The following SLC24A2 variants were observed in gnomAD, a reference collection of about 807,000 sequenced individuals.
The protein encoded by SLC24A2 is sodium/potassium/calcium exchanger 2.
Under a neutral mutation model 62.0 loss-of-function variants are expected in SLC24A2, and 36 were observed. The ratio of observed to expected loss-of-function variants is 0.58; its 90% CI spans 0.44 to 0.77. The LOEUF is 0.77. Among genes scored for constraint, SLC24A2 ranks in the 30% least tolerant of loss-of-function variants. SLC24A2 has a pLI of 0.00. For synonymous variants in SLC24A2, 358 were observed against 294.0 expected (o/e 1.22, Z -2.23); for missense variants, 846 against 817.9 (o/e 1.03, Z -0.42).
chr9:19,842,556 A>G, the SLC24A2 span, among the ~76,000 whole-genome samples: 7 of 152,226 alleles, frequency 4.6e-5, no homozygotes, highest in Non-Finnish European at 1.0e-4. Flanking sequence ...AATTCCAAGT[A>G]ATATCTCACT....
the SLC24A2 span, among the ~76,000 whole-genome samples, chr9:20,015,513 T>C: frequency 6.6e-6 from 1 of 152,228 alleles, no homozygotes; most frequent in Non-Finnish European, 1.5e-5. Flanking sequence ...TGTCTGCTGC[T>C]TCACTTCCGC....
the SLC24A2 span, among the ~76,000 whole-genome samples, chr9:20,119,383 C>A: frequency 6.6e-6 from 1 of 151,882 alleles, no homozygotes; most frequent in Non-Finnish European, 1.5e-5. Context: ...AATATATTCT[C>A]AACAAAATTT....
intron 7 of SLC24A2, among the ~76,000 whole-genome samples, chr9:19,565,092 A>G (rs1302902922): frequency 3.3e-5 from 5 of 152,158 alleles, no homozygotes; most frequent in African/African-American, 1.2e-4. Context: ...TATTCAACAC[A>G]GTGTTGGAAG....
the SLC24A2 span, among the ~76,000 whole-genome samples, chr9:20,116,135 A>C: frequency 6.6e-6 from 1 of 152,282 alleles, no homozygotes; most frequent in African/African-American, 2.4e-5. Context: ...CATTTGAAAG[A>C]AACTTAATAA....
intron 5 of SLC24A2, among the ~76,000 whole-genome samples, chr9:19,580,477 G>C (rs908433485): frequency 1.3e-5 from 2 of 152,208 alleles, no homozygotes; most frequent in African/African-American, 4.8e-5. Context: ...GTGAGGATGA[G>C]GCTAACAGGA....
chr9:19,529,908 C>A (rs528266108), intron 8 of SLC24A2, among the ~76,000 whole-genome samples: 1 of 151,666 alleles, frequency 6.6e-6, no homozygotes, highest in Non-Finnish European at 1.5e-5. Flanking sequence ...TGCCACCACA[C>A]CCCACTAATT....
chr9:20,299,364 G>A, the SLC24A2 span, among the ~76,000 whole-genome samples: 1 of 152,198 alleles, frequency 6.6e-6, no homozygotes. Flanking sequence ...AATACACTAA[G>A]GGTGGTCCCA....
At chr9:20,160,420 C>T in the SLC24A2 span, among the ~76,000 whole-genome samples, 5 of 151,116 alleles carry the variant, frequency 3.3e-5, no homozygotes, top group African/African-American at 1.2e-4. Context: ...TTATAAAAAC[C>T]CTAAAAATTA....
the SLC24A2 span, among the ~76,000 whole-genome samples, chr9:19,795,304 G>A: frequency 7.6e-6 from 1 of 132,246 alleles, no homozygotes; most frequent in Non-Finnish European, 1.5e-5. Context: ...CCAGGATTCA[G>A]GTAATAAGCC....
At chr9:19,870,205 G>A in the SLC24A2 span, among the ~76,000 whole-genome samples, 2 of 151,932 alleles carry the variant, frequency 1.3e-5, no homozygotes, top group Admixed American at 1.3e-4. Flanking sequence ...CTTAGTTTCT[G>A]GAAGCTACCA....
chr9:19,524,243 G>A (rs978014483), intron 9 of SLC24A2, among the ~76,000 whole-genome samples: 1 of 151,680 alleles, frequency 6.6e-6, no homozygotes, highest in African/African-American at 2.4e-5. Context: ...GTTTAAGGAG[G>A]ATCTGAAAGA....
chr9:19,942,024 A>G, the SLC24A2 span, among the ~76,000 whole-genome samples: 3 of 152,170 alleles, frequency 2.0e-5, no homozygotes, highest in East Asian at 5.8e-4. Flanking sequence ...AAAATCTTAC[A>G]TTATGTTTTA....
chr9:19,792,700 C>T (rs1212444955), upstream of SLC24A2, among the ~76,000 whole-genome samples: 6 of 107,906 alleles, frequency 5.6e-5, no homozygotes, highest in South Asian at 1.6e-3. Flanking sequence ...AAGAACAAAA[C>T]TCCATCTCAA....
intron 2 of SLC24A2, among the ~76,000 whole-genome samples, chr9:19,758,510 T>A (rs538992952): frequency 1.3e-5 from 2 of 152,306 alleles, no homozygotes; most frequent in South Asian, 4.1e-4. Context: ...TCCTTATTTA[T>A]TTTCAGTAGG....
chr9:20,070,991 G>A, the SLC24A2 span, among the ~76,000 whole-genome samples: 1 of 152,190 alleles, frequency 6.6e-6, no homozygotes, highest in Admixed American at 6.5e-5. Context: ...CCTCCTTGAT[G>A]CTGTTGTTGT....
chr9:19,512,345 T>C lies in SLC24A2; in HGVS notation c.*3808A>G, dbSNP rs1832749284. The C allele has an allele frequency of 6.6e-6, 1 of 152,276 alleles. No individual in the cohort carries two copies. Among genetic ancestry groups the C allele is most frequent in the Admixed American group, 6.5e-5 (1 of 15,284 alleles). 9.4% of individuals were successfully genotyped at this position (152,276 alleles called of 1,614,324 possible). A position where few individuals can be genotyped will look rare whatever the true frequency, so the allele number is the denominator to read the frequency against. On this transcript the variant is annotated 3_prime_UTR_variant, in exon 11 of 11. Transcript: ENST00000341998. ...AGCCTTACAAAGCATTTTTCCTGAA[T>C]ATAAAACAGTCTCCGCCTCTTTTTA...
At position 19,595,766 on chromosome 9, in the gene SLC24A2, T is replaced by C. The variant is rs553967204; in HGVS notation, c.1129+1463A>G. Among the ~76,000 whole-genome samples, 16 of 152,200 alleles carry C rather than the reference T, an allele frequency of 1.1e-4. No homozygotes were observed. The East Asian group carries it at 2.9e-3, about 28-fold the overall frequency. On this transcript the variant is annotated intron_variant, in intron 5 of 10. Coordinates refer to ENST00000341998, the MANE Select transcript of SLC24A2 (RefSeq NM_020344.4). ...AAGTACGTAGGAGGTAGGACATTAA[T>C]GATAGAAGGTAATGGACAGGATGGA...
the SLC24A2 span, among the ~76,000 whole-genome samples, chr9:20,250,259 A>G: frequency 3.3e-5 from 5 of 152,242 alleles, no homozygotes; most frequent in African/African-American, 1.2e-4. Flanking sequence ...TAGAACCAGA[A>G]TTAGAACTCA....
At chr9:20,262,020 G>T in the SLC24A2 span, among the ~76,000 whole-genome samples, 1 of 152,090 alleles carries the variant, frequency 6.6e-6, no homozygotes, top group Non-Finnish European at 1.5e-5. Flanking sequence ...ATACAGGTGT[G>T]AGCCACCGTG....
Sources: gnomAD v4.1 joint callset for allele counts (sites outside exome capture counted in the v4.1 genomes callset) on GRCh38, gnomAD v4.1.1 for gene constraint, MANE v1.5 for transcripts, NCBI Gene and HGNC (gene_info 2026-07-23, HGNC 2026-07-21) for gene names.